Variants in ABI3BP observed in about 807,000 individuals in gnomAD.
ABI3BP encodes the protein ABI family member 3 binding protein.
Under a neutral mutation model 268.6 loss-of-function variants are expected in ABI3BP, and 216 were observed. That is an observed-to-expected ratio of 0.80 (90% CI 0.72 to 0.90). ABI3BP has a LOEUF of 0.90. Among genes scored for constraint, ABI3BP ranks in the 40% least tolerant of loss-of-function variants. The pLI, the probability that ABI3BP is intolerant of heterozygous loss-of-function variation, is 0.00. For synonymous variants in ABI3BP, 730 were observed against 730.0 expected, an observed-to-expected ratio of 1.00 and a Z score of 0.00; for missense variants, 2,090 against 2,182.4, an observed-to-expected ratio of 0.96 and a Z score of 0.84.
chr3:100,895,570 T>C (rs917112773), intron 4 of ABI3BP, among the ~76,000 whole-genome samples: 5 of 152,226 alleles, frequency 3.3e-5, no homozygotes, highest in Non-Finnish European at 7.3e-5. Context: ...TCAGAGACTG[T>C]ACAGAGGGAA....
intron 2 of ABI3BP, chr3:100,911,958 C>T (rs1031267374): frequency 5.3e-6 from 5 of 938,548 alleles, no homozygotes; most frequent in African/African-American, 1.6e-5. Flanking sequence ...ATTTACTTCA[C>T]TTGAGGAATT....
chr3:100,775,388 C>T, intron 59 of ABI3BP, 53 bp from the exon 60 acceptor site: 2 of 1,555,504 alleles, frequency 1.3e-6, no homozygotes, highest in Non-Finnish European at 8.7e-7. Flanking sequence ...GCCAAGTTTC[C>T]TATAAACATT....
In ABI3BP at chr3:100,785,290, G is replaced by A. The variant is rs114195056; in HGVS notation, c.4162+2438C>T. On this transcript the variant is annotated intron_variant, in intron 57 of 67. Transcript: ENST00000471714. ...TTAGAAGAGTCAACAGAGGCTGAAA[G>A]TGTGGATGAGACAGTAGAATTGTGT... 3.0e-3 allele frequency among the ~76,000 whole-genome samples: 461 copies of A among 152,276 alleles called. 3 individuals are homozygous for A. Among genetic ancestry groups the A allele is most frequent in the Non-Finnish European group, 4.8e-3 (326 of 68,008 alleles).
At chr3:100,756,817 C>CA (rs1283944414) in intron 63 of ABI3BP, among the ~76,000 whole-genome samples, 1 of 135,324 alleles carries the variant, frequency 7.4e-6, no homozygotes, top group Non-Finnish European at 1.6e-5. Flanking sequence ...TGATATTTGA[C>CA]AAGTTTCAAA....
At position 100,780,236 on chromosome 3, in the gene ABI3BP, T is replaced by C. The variant is rs1470792677; in HGVS notation, c.4163-27A>G. 6 of 1,602,742 alleles carry C rather than the reference T, an allele frequency of 3.7e-6. No homozygotes were observed. In the African/African-American group the frequency reaches 8.1e-5, roughly 22 times the overall value. On this transcript the variant is annotated intron_variant, in intron 57 of 67. Transcript: ENST00000471714. ...TATGAGCAGAGATAATGAAAGGGAA[T>C]AAACATATAGCAAAAATGTTCCATG...
intron 64 of ABI3BP, among the ~76,000 whole-genome samples, chr3:100,754,225 T>G (rs1322094822): frequency 2.0e-5 from 3 of 152,234 alleles, no homozygotes; most frequent in African/African-American, 7.2e-5. Context: ...TAATGCTGTA[T>G]GTGCAGATGT....
rs992427888 is a variant in ABI3BP at position 100,774,298 on chromosome 3, C to T, written c.4531+307G>A. ...CCCCTTTCTTGATTTTGCATTATTA[C>T]GAAAATGGCTTCCCCTGGGTCACTG... On this transcript the variant is annotated intron_variant, in intron 61 of 67. Transcript: ENST00000471714. Among the ~76,000 whole-genome samples the T allele has an allele frequency of 5.3e-5, 8 of 152,114 alleles. No individual in the cohort carries two copies. The East Asian group carries it at 5.8e-4, about 11-fold the overall frequency.
At chr3:100,950,331 C>T (rs2074398024) in intron 1 of ABI3BP, among the ~76,000 whole-genome samples, 1 of 152,074 alleles carries the variant, frequency 6.6e-6, no homozygotes, top group African/African-American at 2.4e-5. Flanking sequence ...CTATAATAAA[C>T]AAATGAGTCT....
rs942208685 is a variant in ABI3BP, at chr3:100,820,932, T to C, written c.2947+122A>G. ...AATACTTTTAGGATGAAGAATATGA[T>C]GGAATGAAACAGAGAATGATGATGT... On this transcript the variant is annotated intron_variant, in intron 39 of 67. Coordinates refer to ENST00000471714, the MANE Select transcript of ABI3BP (RefSeq NM_001375547.2). 9.7e-5 allele frequency: 83 copies of C among 851,570 alleles called. No individual in the cohort carries two copies. In the Admixed American group the frequency reaches 1.9e-3, roughly 19 times the overall value. The allele number at this position is 851,570 out of a possible 1,614,324, so 52.8% of individuals were successfully genotyped here.
chr3:100,837,327 C>A, intron 26 of ABI3BP, 156 bp from the exon 27 acceptor site: 1 of 495,586 alleles, frequency 2.0e-6, no homozygotes, highest in Non-Finnish European at 3.4e-6. Context: ...ATGTGAGATG[C>A]TTCTTAGCAA....
chr3:100,823,590 T>C, intron 36 of ABI3BP, 76 bp from the exon 37 acceptor site: 1 of 1,107,672 alleles, frequency 9.0e-7, no homozygotes, highest in Admixed American at 2.7e-5. Context: ...CAAACAAATT[T>C]TACTGGTATG....
intron 1 of ABI3BP, among the ~76,000 whole-genome samples, chr3:100,987,910 T>C (rs1166875818): frequency 6.6e-6 from 1 of 152,214 alleles, no homozygotes; most frequent in African/African-American, 2.4e-5. Context: ...GACAAACACA[T>C]CAATAAAACT....
At chr3:100,928,160 C>T (rs1431053059) in intron 1 of ABI3BP, among the ~76,000 whole-genome samples, 1 of 151,928 alleles carries the variant, frequency 6.6e-6, no homozygotes, top group African/African-American at 2.4e-5. Context: ...TTTTCTAACC[C>T]TCCTCTCCAA....
At chr3:100,778,609 C>A (rs570503198) in intron 58 of ABI3BP, 8 of 486,222 alleles carry the variant, frequency 1.6e-5, no homozygotes, top group African/African-American at 1.4e-4. Context: ...AACATGTCCT[C>A]ATTATAGATG....
At chr3:100,900,470 C>G (rs1173915064) in intron 3 of ABI3BP, among the ~76,000 whole-genome samples, 2 of 152,220 alleles carry the variant, frequency 1.3e-5, no homozygotes, top group Non-Finnish European at 2.9e-5. Context: ...TCTCCTCAAT[C>G]ACAATCTAGT....
chr3:100,865,605 C>T lies in ABI3BP; in HGVS notation c.989-698G>A, dbSNP rs73864018. On this transcript the variant is annotated intron_variant, in intron 10 of 67. Transcript: ENST00000471714. ...AAATGAATTGAGAGCCAGAAAGCCCCGGAATGTTGCAGGGCAAGAACACAA... is the reference window on the plus strand; with the variant it reads ...AAATGAATTGAGAGCCAGAAAGCCCTGGAATGTTGCAGGGCAAGAACACAA... Among the ~76,000 whole-genome samples, 1,325 of 152,210 alleles carry T rather than the reference C, an allele frequency of 8.7e-3. 21 individuals are homozygous for T. Among genetic ancestry groups the T allele is most frequent in the African/African-American group, 0.03 (1,260 of 41,518 alleles).
intron 62 of ABI3BP, among the ~76,000 whole-genome samples, chr3:100,769,304 G>A (rs2096461315): frequency 6.6e-6 from 1 of 152,156 alleles, no homozygotes; most frequent in South Asian, 2.1e-4. Flanking sequence ...ATTGTTATAA[G>A]TCCTCTGTAT....
At chr3:100,825,443 T>C (rs2098361465) in intron 35 of ABI3BP, among the ~76,000 whole-genome samples, 1 of 152,058 alleles carries the variant, frequency 6.6e-6, no homozygotes, top group South Asian at 2.1e-4. Context: ...TTATTGCCAA[T>C]CAGCTTAGAT....
At chr3:100,753,964 T>C in intron 64 of ABI3BP, 116 bp from the exon 65 acceptor site, 1 of 1,058,650 alleles carries the variant, frequency 9.4e-7, no homozygotes, top group Non-Finnish European at 1.4e-6. Flanking sequence ...TGCAAAATGG[T>C]ACTCTTTTGC....
Sources: gnomAD v4.1 joint callset for allele counts (sites outside exome capture counted in the v4.1 genomes callset) on GRCh38, gnomAD v4.1.1 for gene constraint, MANE v1.5 for transcripts, NCBI Gene and HGNC (gene_info 2026-07-23, HGNC 2026-07-21) for gene names.